HADHB: variants seen among roughly 807,000 people sequenced by gnomAD.
HADHB encodes hydroxyacyl-CoA dehydrogenase trifunctional multienzyme complex subunit beta.
Under a neutral mutation model 61.9 loss-of-function variants are expected in HADHB, and 50 were observed. That is an observed-to-expected ratio of 0.81 (90% confidence interval 0.64 to 1.02). The LOEUF (loss-of-function observed/expected upper bound fraction) is 1.02, where lower values mean the gene tolerates loss of function less well. Among genes scored for constraint, HADHB ranks in the 50% least tolerant of loss-of-function variants. The pLI is 0.00. For synonymous variants in HADHB, 191 were observed against 201.6 expected, an observed-to-expected ratio of 0.95 and a Z score of 0.45; for missense variants, 504 against 586.5, an observed-to-expected ratio of 0.86 and a Z score of 1.45.
At chr2:26,282,496 T>C (rs572679760) in intron 10 of HADHB, among the ~76,000 whole-genome samples, 53 of 152,192 alleles carry the variant, frequency 3.5e-4, no homozygotes, top group African/African-American at 1.3e-3. Context: ...ACCTGCCTCA[T>C]GATCTGCCCG....
intron 7 of HADHB, among the ~76,000 whole-genome samples, 200 bp downstream of exon 7, chr2:26,277,360 C>A (rs1189543758): frequency 6.6e-6 from 1 of 151,492 alleles, no homozygotes; most frequent in Non-Finnish European, 1.5e-5. Context: ...GCCTTAGGAT[C>A]CCAAGTAGCT....
rs186146433 is a variant in HADHB, at chr2:26,246,575, A to C, written c.-9+1585A>C. ...AGCCTGGTCCCGAACTCCTGACCTT[A>C]GGTGATTCGCCCACCTCTGCCCCCC... On this transcript the variant is annotated intron_variant, in intron 1 of 15. Coordinates refer to ENST00000317799, the MANE Select transcript of HADHB (RefSeq NM_000183.3). 8.5e-5 allele frequency among the ~76,000 whole-genome samples: 13 copies of C among 152,148 alleles called. No homozygotes were observed. In the East Asian group the frequency reaches 1.2e-3, roughly 14 times the overall value.
intron 10 of HADHB, 74 bp downstream of exon 10, chr2:26,280,189 A>G: frequency 3.3e-6 from 4 of 1,217,882 alleles, no homozygotes; most frequent in Non-Finnish European, 4.9e-6. Context: ...GCCTAATATA[A>G]CTTTTTGTGT....
intron 6 of HADHB, 100 bp from the exon 7 acceptor site, chr2:26,276,967 TAAACTG>T (rs1323034235): frequency 2.7e-6 from 2 of 740,670 alleles, no homozygotes; most frequent in African/African-American, 3.4e-5. Flanking sequence ...TGGAGAATGT[TAAACTG>T]AAACCGTTTC....
chr2:26,261,370 A>T (rs1220617184), intron 3 of HADHB: 3 of 250,644 alleles, frequency 1.2e-5, no homozygotes, highest in Non-Finnish European at 2.3e-5. Context: ...ATATTTCATG[A>T]CTTTCTAATC....
At chr2:26,285,076 T>C (rs1490706098) in intron 14 of HADHB, 119 bp downstream of exon 14, 1 of 701,082 alleles carries the variant, frequency 1.4e-6, no homozygotes, top group African/African-American at 1.8e-5. Flanking sequence ...GAATTTTGTC[T>C]TTCATTAAAG....
At position 26,284,133 on chromosome 2, in the gene HADHB, C is replaced by G. The variant is rs1294870206; in HGVS notation, c.1078C>G (p.Pro360Ala). 1.9e-5 allele frequency: 31 copies of G among 1,589,744 alleles called. No individual in the cohort carries two copies. Among genetic ancestry groups the G allele is most frequent in the Non-Finnish European group, 2.4e-5 (28 of 1,158,116 alleles). ...QLLLGPTYAT[P>A]KVLEKAGLTM... ...TCTTTGCAGACCAACATATGCTACT[C>G]CAAAAGTTCTAGAAAAGGCAGGATT... is the stretch of plus-strand genomic sequence containing the variant. Residue 360 changes from proline to alanine, a missense_variant, in exon 13 of 16, where the codon CCA becomes GCA. Pro to Ala is a conservative substitution (Grantham distance 27). Coordinates refer to ENST00000317799, the MANE Select transcript of HADHB (RefSeq NM_000183.3).
chr2:26,269,960 G>T lies in HADHB; in HGVS notation c.217G>T (p.Asp73Tyr), dbSNP rs371877772. ...PFLLSGTSYK[D>Y]LMPHDLARAA... ...CTGGTTTTCGTTCCCCAGATATAAA[G>T]ACCTGATGCCACATGATTTGGCTAG... is the stretch of plus-strand genomic sequence containing the variant. The change falls in exon 5 of 16, where the codon GAC becomes TAC. Residue 73 changes from aspartate (D) to tyrosine (Y), a missense_variant. Transcript: ENST00000317799. The T allele has an allele frequency of 6.2e-7, 1 of 1,606,822 alleles. No homozygotes were observed. Among genetic ancestry groups the T allele is most frequent in the African/African-American group, 1.3e-5 (1 of 74,888 alleles).
rs556479083 is a variant in HADHB at position 26,254,146 on chromosome 2, T to C, written c.-8-101T>C. The C allele has an allele frequency of 1.4e-4, 106 of 733,134 alleles. No individual in the cohort carries two copies. The African/African-American group carries it at 1.8e-3, about 13-fold the overall frequency. The allele number at this position is 733,134 out of a possible 1,614,324, so 45.4% of individuals were successfully genotyped here. On this transcript the variant is annotated intron_variant, in intron 1 of 15. Coordinates refer to ENST00000317799, the MANE Select transcript of HADHB (RefSeq NM_000183.3). ...GTTGATAAGATTAAGTTTTAATGTT[T>C]TCTAGTAGCCATGGATGAGGTTATC...
intron 3 of HADHB, among the ~76,000 whole-genome samples, chr2:26,255,651 A>C (rs1021065564): frequency 6.6e-6 from 1 of 152,146 alleles, no homozygotes; most frequent in Non-Finnish European, 1.5e-5. Context: ...TTCATCTAAA[A>C]AAGGAATATA....
At chr2:26,282,251 CTT>C (rs67626722) in intron 10 of HADHB, among the ~76,000 whole-genome samples, 9 of 106,820 alleles carry the variant, frequency 8.4e-5, no homozygotes, top group Admixed American at 9.9e-5. Context: ...GCAGTTCTTT[CTT>C]TTTTTTTTTT....
intron 1 of HADHB, among the ~76,000 whole-genome samples, chr2:26,246,347 C>CTT (rs35129524): frequency 0.17 from 23,837 of 144,010 alleles, 2,138 homozygotes; most frequent in Middle Eastern, 0.25. Flanking sequence ...TTGTTTACAA[C>CTT]TTTTTTTTTT....
At chr2:26,276,021 A>G (rs1328396653) in intron 6 of HADHB, among the ~76,000 whole-genome samples, 2 of 152,284 alleles carry the variant, frequency 1.3e-5, no homozygotes, top group African/African-American at 4.8e-5. Flanking sequence ...TGTGGGAGGA[A>G]ATCTGGAAGC....
chr2:26,273,703 T>C lies in HADHB; in HGVS notation c.307T>C (p.Phe103Leu). Residue 103 changes from phenylalanine to leucine, a missense_variant, in exon 6 of 16, where the codon TTT becomes CTT. Transcript: ENST00000317799. ...VPKEVVDYII[F>L]GTVIQEVKTS... is the part of the protein sequence containing the mutation. ...TAAGGAAGTAGTTGATTATATCATCTTTGGTACAGTTATTCAGGAAGTGAA... is the reference window on the plus strand; with the variant it reads ...TAAGGAAGTAGTTGATTATATCATCCTTGGTACAGTTATTCAGGAAGTGAA... 1 of 1,609,782 alleles carries C rather than the reference T, an allele frequency of 6.2e-7. No individual in the cohort carries two copies. Among genetic ancestry groups the C allele is most frequent in the Non-Finnish European group, 8.5e-7 (1 of 1,176,106 alleles).
rs1672695398 is a variant in HADHB at position 26,279,431 on chromosome 2, C to G, written c.811+116C>G. On this transcript the variant is annotated intron_variant, in intron 9 of 15. Transcript: ENST00000317799. ...TTGGTTCTGTTTCCAAAGTATTCAG[C>G]CTTTATTCTTAAATATGGATGCAAA... 4 of 766,764 alleles carry G rather than the reference C, an allele frequency of 5.2e-6. No homozygotes were observed. The East Asian group carries it at 1.0e-4, about 19-fold the overall frequency. The allele number at this position is 766,764 out of a possible 1,614,324, so 47.5% of individuals were successfully genotyped here.
chr2:26,280,731 T>C (rs953848664), intron 10 of HADHB, among the ~76,000 whole-genome samples: 1 of 151,896 alleles, frequency 6.6e-6, no homozygotes, highest in Non-Finnish European at 1.5e-5. Context: ...ACATGCCTGT[T>C]AATCCCGGCT....
At chr2:26,268,003 G>A (rs115558184) in intron 4 of HADHB, among the ~76,000 whole-genome samples, 1,768 of 152,174 alleles carry the variant, frequency 0.012, 39 homozygotes, top group African/African-American at 0.038. Context: ...TTAGCTGGGT[G>A]TGGTAGCAGA....
intron 6 of HADHB, among the ~76,000 whole-genome samples, chr2:26,274,538 G>T (rs1672467962): frequency 6.6e-6 from 1 of 152,198 alleles, no homozygotes; most frequent in South Asian, 2.1e-4. Flanking sequence ...GTACCTGGCA[G>T]AAATGTTAGA....
rs2147830061 is a variant in HADHB, at chr2:26,282,997, T to C, written c.1014-7T>C. ...ACCAAAGCTCACCTCTCTATTTTTT[T>C]ACCTAGGGATTTTATGTATGTGTCT... is the stretch of plus-strand genomic sequence containing the variant. On this transcript the variant is annotated splice_region_variant and splice_polypyrimidine_tract_variant and intron_variant, in intron 11 of 15. Transcript: ENST00000317799. The C allele has an allele frequency of 6.2e-7, 1 of 1,608,636 alleles. No homozygotes were observed. The highest frequency in any genetic ancestry group is 1.1e-5 in the South Asian group (1 of 90,972).
Sources: allele counts gnomAD v4.1 joint callset (sites outside exome capture counted in the v4.1 genomes callset), GRCh38; gene constraint gnomAD v4.1.1; transcripts MANE v1.5; gene names NCBI Gene and HGNC (gene_info 2026-07-23, HGNC 2026-07-21).